C2orf42: variants seen among roughly 807,000 people sequenced by gnomAD.
C2orf42 encodes uncharacterized protein C2orf42.
Under a neutral mutation model 58.9 loss-of-function variants are expected in C2orf42, and 44 were observed. The observed-to-expected ratio is 0.75, with a 90% CI of 0.59 to 0.96. The LOEUF is 0.96. Ranked by LOEUF, C2orf42 falls within the 40% of genes least tolerant of loss-of-function variation. The pLI is 0.00. For synonymous variants in C2orf42, 239 were observed against 265.4 expected (o/e 0.90, Z 0.97); for missense variants, 630 against 699.2 (o/e 0.90, Z 1.12).
At chr2:70,152,827 G>T (rs1672390938) in intron 9 of C2orf42, among the ~76,000 whole-genome samples, 1 of 152,194 alleles carries the variant, frequency 6.6e-6, no homozygotes, top group Admixed American at 6.6e-5. Flanking sequence ...GAGGTCAGGA[G>T]TTCGAGACCA....
chr2:70,172,370 C>T (rs919846695), intron 5 of C2orf42, among the ~76,000 whole-genome samples: 8 of 151,772 alleles, frequency 5.3e-5, no homozygotes, highest in Non-Finnish European at 1.2e-4. Context: ...ATCTATCATT[C>T]TATTTCTTTT....
At chr2:70,188,349 G>A (rs140002778) in intron 1 of C2orf42, among the ~76,000 whole-genome samples, 1,539 of 151,140 alleles carry the variant, frequency 0.01, 38 homozygotes, top group African/African-American at 0.036. Context: ...CACCAAGCCC[G>A]GCTAATTTTT....
chr2:70,186,267 C>A (rs1268495905), intron 1 of C2orf42, among the ~76,000 whole-genome samples: 2 of 151,904 alleles, frequency 1.3e-5, no homozygotes, highest in Non-Finnish European at 1.5e-5. Context: ...AGGATTTTTT[C>A]ATCTGCAAAG....
intron 4 of C2orf42, among the ~76,000 whole-genome samples, chr2:70,176,031 A>G (rs1674168417): frequency 6.6e-6 from 1 of 152,210 alleles, no homozygotes; most frequent in Admixed American, 6.6e-5. Flanking sequence ...TCAGACAATT[A>G]CGATGACTTT....
intron 1 of C2orf42, among the ~76,000 whole-genome samples, chr2:70,186,324 A>G (rs2103668911): frequency 6.6e-6 from 1 of 152,262 alleles, no homozygotes; most frequent in Non-Finnish European, 1.5e-5. Context: ...ACACACACAC[A>G]CACACATATA....
In C2orf42 at chr2:70,182,008, C is replaced by T. The variant is rs762758663; in HGVS notation, c.-12-11G>A. ...CATTTTTCAGAGGCCCTACAAAAGA[C>T]AATACATCCAACAGTATGAGTATAC... is the stretch of plus-strand genomic sequence containing the variant. On this transcript the variant is annotated splice_polypyrimidine_tract_variant and intron_variant, in intron 2 of 9. Coordinates refer to ENST00000264434, the MANE Select transcript of C2orf42 (RefSeq NM_017880.3). 1 of 1,276,812 alleles carries T rather than the reference C, an allele frequency of 7.8e-7. No individual in the cohort carries two copies. The highest frequency in any genetic ancestry group is 1.1e-6 in the Non-Finnish European group (1 of 883,494). The allele number at this position is 1,276,812 out of a possible 1,614,324, so 79.1% of individuals were successfully genotyped here.
chr2:70,179,685 G>T, intron 3 of C2orf42, 43 bp from the exon 4 acceptor site: 1 of 810,382 alleles, frequency 1.2e-6, no homozygotes, highest in Non-Finnish European at 2.1e-6. Context: ...CTATCCAAGG[G>T]TAAGTATAAG....
At chr2:70,176,830 A>G (rs1674225376) in intron 4 of C2orf42, among the ~76,000 whole-genome samples, 1 of 152,148 alleles carries the variant, frequency 6.6e-6, no homozygotes, top group Non-Finnish European at 1.5e-5. Flanking sequence ...ATTCTATGGT[A>G]AAGTGGCTTT....
chr2:70,176,340 T>C (rs1215609806), intron 4 of C2orf42, among the ~76,000 whole-genome samples: 1 of 151,954 alleles, frequency 6.6e-6, no homozygotes, highest in East Asian at 1.9e-4. Flanking sequence ...CCAACTCCAC[T>C]AAAAATATAA....
chr2:70,164,819 T>C (rs1673293938), intron 8 of C2orf42, among the ~76,000 whole-genome samples: 1 of 152,122 alleles, frequency 6.6e-6, no homozygotes, highest in Non-Finnish European at 1.5e-5. Flanking sequence ...TAGGGGATCA[T>C]TATTTAATTT....
rs1674143209 is a variant in C2orf42 at position 70,175,694 on chromosome 2, C to G, written c.1018G>C (p.Ala340Pro). 3 of 1,610,990 alleles carry G rather than the reference C, an allele frequency of 1.9e-6. No individual in the cohort carries two copies. The highest frequency in any genetic ancestry group is 2.5e-6 in the Non-Finnish European group (3 of 1,177,198). The change falls in exon 5 of 10, where the codon GCT becomes CCT. Residue 340 changes from alanine to proline, a missense_variant. Coordinates refer to ENST00000264434, the MANE Select transcript of C2orf42 (RefSeq NM_017880.3). ...TTACCCTGCCTTTTTAACGAGGAAGCAACCACAGGCTTTTTCAGGCCACTT... is the reference window on the plus strand; with the variant it reads ...TTACCCTGCCTTTTTAACGAGGAAGGAACCACAGGCTTTTTCAGGCCACTT... The part of the protein sequence containing the change: ...RKSGLKKPVV[A>P]SSLKRQACGQ...
chr2:70,162,464 A>C (rs745550978), intron 8 of C2orf42, among the ~76,000 whole-genome samples: 21 of 151,892 alleles, frequency 1.4e-4, no homozygotes, highest in Non-Finnish European at 2.5e-4. Context: ...CCTGGTCAAC[A>C]TGGTGAAAGC....
rs1673010499 is a variant in C2orf42, at chr2:70,160,803, A to G, written c.1354-16T>C. ...CCAAGGGCATCTGGACACCAAGACA[A>G]TACCAAAAAAAGGTGAGAGAGAAAA... On this transcript the variant is annotated splice_polypyrimidine_tract_variant and intron_variant, in intron 8 of 9. Transcript: ENST00000264434. 1 of 1,544,450 alleles carries G rather than the reference A, an allele frequency of 6.5e-7. No individual in the cohort carries two copies. The highest frequency in any genetic ancestry group is 1.4e-5 in the African/African-American group (1 of 71,058).
At chr2:70,154,745 T>G (rs556700818) in intron 9 of C2orf42, among the ~76,000 whole-genome samples, 5 of 151,986 alleles carry the variant, frequency 3.3e-5, no homozygotes, top group South Asian at 2.1e-4. Flanking sequence ...GAATCAAAGT[T>G]TTTTGTTTTG....
rs368379134 is a variant in C2orf42, at chr2:70,175,572, G to A, written c.1039+101C>T. The A allele has an allele frequency of 1.5e-4, 115 of 779,160 alleles. No individual in the cohort carries two copies. The African/African-American group carries it at 1.7e-3, about 12-fold the overall frequency. 48.3% of individuals were successfully genotyped at this position (779,160 alleles called of 1,614,324 possible). On this transcript the variant is annotated intron_variant, in intron 5 of 9. Coordinates refer to ENST00000264434, the MANE Select transcript of C2orf42 (RefSeq NM_017880.3). ...CCTCAGTGCTTCTGTTAGTATTTAT[G>A]CTGGGACTCTTTGGGTGACAATGTG... is the stretch of plus-strand genomic sequence containing the variant.
chr2:70,184,286 ACGTGATCTCGATTCACTGC>A (rs1674777724), intron 1 of C2orf42, among the ~76,000 whole-genome samples: 1 of 151,820 alleles, frequency 6.6e-6, no homozygotes, highest in East Asian at 1.9e-4. Flanking sequence ...GAGTGCAGTG[ACGTGATCTCGATTCACTGC>A]AACCTCCGCC....
intron 8 of C2orf42, among the ~76,000 whole-genome samples, chr2:70,163,637 A>G (rs1673206362): frequency 6.6e-6 from 1 of 152,034 alleles, no homozygotes; most frequent in Non-Finnish European, 1.5e-5. Context: ...ATCACTTGAG[A>G]TCAGGAGCTT....
chr2:70,150,651 A>G, intron 9 of C2orf42, 87 bp from the exon 10 acceptor site: 1 of 873,542 alleles, frequency 1.1e-6, no homozygotes, highest in South Asian at 1.4e-5. Context: ...GAATTGGAGC[A>G]GCCTGTTCAG....
intron 6 of C2orf42, among the ~76,000 whole-genome samples, chr2:70,166,169 G>A (rs1420290297): frequency 2.0e-5 from 3 of 151,592 alleles, no homozygotes; most frequent in Non-Finnish European, 2.9e-5. Flanking sequence ...GATTACAGGC[G>A]TGAGCCACCG....
Sources: allele counts gnomAD v4.1 joint callset (sites outside exome capture counted in the v4.1 genomes callset), GRCh38; gene constraint gnomAD v4.1.1; transcripts MANE v1.5; gene names NCBI Gene and HGNC (gene_info 2026-07-23, HGNC 2026-07-21).